Variants in MDGA2 observed in about 807,000 individuals in gnomAD.
MDGA2 encodes MAM domain-containing glycosylphosphatidylinositol anchor protein 2.
In MDGA2, 40 loss-of-function variants were observed where a neutral mutation model predicts 117.8. The observed-to-expected ratio is 0.34, with a 90% CI of 0.26 to 0.44. MDGA2 has a LOEUF of 0.44. Ranked by LOEUF, MDGA2 falls within the 20% of genes least tolerant of loss-of-function variation. The pLI, the probability that MDGA2 is intolerant of heterozygous loss-of-function variation, is 1.00. For synonymous variants in MDGA2, 452 were observed against 439.0 expected (o/e 1.03, Z -0.37); for missense variants, 1,123 against 1,250.6 (o/e 0.90, Z 1.54).
At chr14:47,095,882 C>A (rs1216162438) in intron 6 of MDGA2, among the ~76,000 whole-genome samples, 2 of 151,998 alleles carry the variant, frequency 1.3e-5, no homozygotes, top group Non-Finnish European at 2.9e-5. Context: ...AAGTAATTTT[C>A]ATTTGCGTGT....
chr14:47,050,412 G>A (rs190029171), intron 7 of MDGA2, among the ~76,000 whole-genome samples: 6 of 152,078 alleles, frequency 3.9e-5, no homozygotes, highest in Non-Finnish European at 7.4e-5. Flanking sequence ...AACTTACTTT[G>A]AAATACTTCA....
intron 9 of MDGA2, among the ~76,000 whole-genome samples, chr14:46,955,410 A>G (rs906457320): frequency 1.3e-5 from 2 of 152,132 alleles, no homozygotes; most frequent in Non-Finnish European, 2.9e-5. Context: ...AAATACGAGT[A>G]AATAAAATAT....
intron 1 of MDGA2, among the ~76,000 whole-genome samples, chr14:47,352,722 T>A (rs1181408449): frequency 1.3e-5 from 2 of 152,236 alleles, no homozygotes; most frequent in African/African-American, 4.8e-5. Flanking sequence ...ACAATACTAT[T>A]CCCTACATTT....
intron 1 of MDGA2, among the ~76,000 whole-genome samples, chr14:47,601,703 T>C (rs1320161798): frequency 1.3e-5 from 2 of 152,134 alleles, no homozygotes; most frequent in East Asian, 3.9e-4. Context: ...GGGTAAAAGA[T>C]TTTTTCATTC....
At chr14:46,876,800 C>T (rs771776145) in intron 12 of MDGA2, among the ~76,000 whole-genome samples, 1 of 151,390 alleles carries the variant, frequency 6.6e-6, no homozygotes, top group Non-Finnish European at 1.5e-5. Flanking sequence ...AGAAATCTAA[C>T]CTTAAATTAC....
chr14:47,436,573 T>C (rs963646220), intron 1 of MDGA2, among the ~76,000 whole-genome samples: 1 of 152,160 alleles, frequency 6.6e-6, no homozygotes, highest in Non-Finnish European at 1.5e-5. Context: ...AGGGAAACCA[T>C]AGAAAGTACC....
At chr14:47,346,122 T>C (rs1300242015) in intron 1 of MDGA2, among the ~76,000 whole-genome samples, 1 of 152,122 alleles carries the variant, frequency 6.6e-6, no homozygotes, top group African/African-American at 2.4e-5. Context: ...ATAATGAATG[T>C]ATAAGGTGAC....
intron 6 of MDGA2, among the ~76,000 whole-genome samples, chr14:47,072,052 G>A (rs2138843052): frequency 8.1e-6 from 1 of 123,106 alleles, no homozygotes; most frequent in African/African-American, 3.1e-5. Flanking sequence ...GTGAATACAA[G>A]TTTATATTCT....
At chr14:47,633,296 G>A (rs181459687) in intron 1 of MDGA2, among the ~76,000 whole-genome samples, 115 of 152,176 alleles carry the variant, frequency 7.6e-4, no homozygotes, top group Admixed American at 2.4e-3. Context: ...ACACAGAGAT[G>A]AGCCCATAAG....
intron 8 of MDGA2, among the ~76,000 whole-genome samples, chr14:46,982,226 T>C (rs1407559839): frequency 1.3e-5 from 2 of 152,142 alleles, no homozygotes; most frequent in Admixed American, 1.3e-4. Flanking sequence ...AAGACTAGTA[T>C]GGTAACCGTA....
At chr14:47,410,849 A>G (rs1157822102) in intron 1 of MDGA2, among the ~76,000 whole-genome samples, 2 of 152,210 alleles carry the variant, frequency 1.3e-5, no homozygotes, top group Admixed American at 6.5e-5. Flanking sequence ...ACAAGTATTT[A>G]TAAAGTATCT....
intron 2 of MDGA2, among the ~76,000 whole-genome samples, chr14:47,218,946 G>A (rs1457344529): frequency 6.6e-6 from 1 of 151,996 alleles, no homozygotes; most frequent in Non-Finnish European, 1.5e-5. Flanking sequence ...CTTCGTTTTT[G>A]CTGGCAATAA....
At chr14:47,154,866 T>G (rs77585539) in intron 3 of MDGA2, among the ~76,000 whole-genome samples, 1 of 152,118 alleles carries the variant, frequency 6.6e-6, no homozygotes, top group Non-Finnish European at 1.5e-5. Context: ...CTTCAAACCA[T>G]GGACTCTGTA....
intron 1 of MDGA2, among the ~76,000 whole-genome samples, chr14:47,335,067 C>T (rs970440876): frequency 1.3e-5 from 2 of 151,706 alleles, no homozygotes; most frequent in African/African-American, 2.4e-5. Flanking sequence ...ATGTATCTTT[C>T]CTTATTTAAT....
intron 1 of MDGA2, chr14:47,306,179 G>A (rs548728118): frequency 1.3e-5 from 2 of 152,308 alleles, no homozygotes; most frequent in Non-Finnish European, 2.9e-5. Context: ...GCATTTTAGA[G>A]GTCTTGTTAG....
chr14:46,869,591 C>T (rs1465546846), intron 14 of MDGA2, among the ~76,000 whole-genome samples: 3 of 151,694 alleles, frequency 2.0e-5, no homozygotes, highest in Admixed American at 1.3e-4. Context: ...GAAATTGTAC[C>T]AATGTGGCAG....
intron 3 of MDGA2, among the ~76,000 whole-genome samples, chr14:47,217,007 G>A (rs1301429136): frequency 2.0e-5 from 3 of 152,042 alleles, no homozygotes; most frequent in African/African-American, 4.8e-5. Flanking sequence ...GCAGGTATCT[G>A]AGTGTGGAAA....
intron 1 of MDGA2, among the ~76,000 whole-genome samples, chr14:47,527,461 A>G (rs10143524): frequency 0.11 from 16,235 of 152,220 alleles, 968 homozygotes; most frequent in Middle Eastern, 0.15. Context: ...GTTATTATAG[A>G]GGTTGTGTTA....
chr14:47,199,598 A>C (rs946776596), intron 3 of MDGA2, among the ~76,000 whole-genome samples: 9 of 152,156 alleles, frequency 5.9e-5, no homozygotes, highest in African/African-American at 2.2e-4. Context: ...ATAACATAAC[A>C]GGATGAAGTC....
Sources: allele counts gnomAD v4.1 joint callset (sites outside exome capture counted in the v4.1 genomes callset), GRCh38; gene constraint gnomAD v4.1.1; transcripts MANE v1.5; gene names NCBI Gene and HGNC (gene_info 2026-07-23, HGNC 2026-07-21).